Variants in CACNA2D3 observed in about 807,000 individuals in gnomAD.
The protein encoded by CACNA2D3 is calcium voltage-gated channel auxiliary subunit alpha2delta 3, also known as voltage-dependent calcium channel subunit alpha-2/delta-3.
CACNA2D3 carries 60 observed loss-of-function variants against 160.6 expected under a neutral mutation model. That is an observed-to-expected ratio of 0.37 (90% CI 0.30 to 0.46). The LOEUF (loss-of-function observed/expected upper bound fraction) is 0.46, where lower values mean the gene tolerates loss of function less well. Ranked by LOEUF, CACNA2D3 falls within the 20% of genes least tolerant of loss-of-function variation. The pLI, the probability that CACNA2D3 is intolerant of heterozygous loss-of-function variation, is 1.00. For missense variants in CACNA2D3, 1,205 were observed against 1,365.0 expected, an observed-to-expected ratio of 0.88 and a Z score of 1.85; for synonymous variants, 558 against 492.9, an observed-to-expected ratio of 1.13 and a Z score of -1.75.
chr3:54,823,214 G>A (rs1212418244), intron 14 of CACNA2D3, among the ~76,000 whole-genome samples: 1 of 151,966 alleles, frequency 6.6e-6, no homozygotes, highest in Non-Finnish European at 1.5e-5. Flanking sequence ...ACCTCATAGT[G>A]TGTGTCTACT....
chr3:54,300,771 T>G (rs142133499), intron 2 of CACNA2D3, among the ~76,000 whole-genome samples: 1,592 of 152,248 alleles, frequency 0.01, 33 homozygotes, highest in African/African-American at 0.036. Context: ...TCCAAGCACT[T>G]TGGAAGACTG....
At chr3:54,286,228 C>G (rs149289929) in intron 2 of CACNA2D3, among the ~76,000 whole-genome samples, 2,618 of 152,158 alleles carry the variant, frequency 0.017, 81 homozygotes, top group African/African-American at 0.059. Flanking sequence ...GCAGAGAAGT[C>G]CTTAAAGGAG....
At chr3:54,772,786 A>G (rs988745318) in intron 13 of CACNA2D3, among the ~76,000 whole-genome samples, 4 of 152,216 alleles carry the variant, frequency 2.6e-5, no homozygotes, top group East Asian at 1.9e-4. Context: ...ATCATTAACA[A>G]TGGAATTTGT....
At chr3:54,664,963 G>A (rs1700037094) in intron 11 of CACNA2D3, among the ~76,000 whole-genome samples, 1 of 152,198 alleles carries the variant, frequency 6.6e-6, no homozygotes, top group South Asian at 2.1e-4. Flanking sequence ...AGCTAGTAAA[G>A]GTTCATTTGA....
At chr3:54,616,743 T>C (rs1334555433) in intron 9 of CACNA2D3, among the ~76,000 whole-genome samples, 2 of 152,224 alleles carry the variant, frequency 1.3e-5, no homozygotes, top group South Asian at 2.1e-4. Context: ...ACCAAATGCT[T>C]GGATATAAGC....
intron 2 of CACNA2D3, among the ~76,000 whole-genome samples, chr3:54,219,588 A>G (rs1701527503): frequency 6.6e-6 from 1 of 152,038 alleles, no homozygotes; most frequent in South Asian, 2.1e-4. Context: ...GCTCATTTCT[A>G]CTTGGCATTA....
intron 21 of CACNA2D3, among the ~76,000 whole-genome samples, chr3:54,881,597 G>A (rs76919846): frequency 0.038 from 5,831 of 152,244 alleles, 295 homozygotes; most frequent in African/African-American, 0.11. Flanking sequence ...AGCTCACAGG[G>A]GTGGTGGACA....
At chr3:54,688,729 G>A (rs1286522148) in intron 11 of CACNA2D3, among the ~76,000 whole-genome samples, 3 of 150,532 alleles carry the variant, frequency 2.0e-5, no homozygotes, top group African/African-American at 7.3e-5. Flanking sequence ...AAGGCCGGGT[G>A]TGGTGGCTCA....
intron 2 of CACNA2D3, among the ~76,000 whole-genome samples, chr3:54,275,268 C>T (rs1043204853): frequency 6.6e-5 from 10 of 152,152 alleles, no homozygotes; most frequent in African/African-American, 2.4e-4. Context: ...CTGGATAAGT[C>T]GTCTCATGCC....
intron 2 of CACNA2D3, among the ~76,000 whole-genome samples, chr3:54,149,969 C>A (rs1036269036): frequency 7.7e-6 from 1 of 129,780 alleles, no homozygotes; most frequent in Non-Finnish European, 1.6e-5. Flanking sequence ...CTTCCTCCCC[C>A]CTTCCTTCTT....
At chr3:54,638,215 C>G (rs969936406) in intron 10 of CACNA2D3, 1 of 151,792 alleles carries the variant, frequency 6.6e-6, no homozygotes, top group African/African-American at 2.4e-5. Context: ...GCCTTTTGAC[C>G]TTTTAGGGGC....
At chr3:54,301,402 G>A (rs1703474769) in intron 2 of CACNA2D3, among the ~76,000 whole-genome samples, 1 of 151,864 alleles carries the variant, frequency 6.6e-6, no homozygotes, top group South Asian at 2.1e-4. Context: ...AGTTTGAGAT[G>A]GCAATGACCT....
chr3:54,516,516 G>T (rs562588930), intron 5 of CACNA2D3, among the ~76,000 whole-genome samples: 1 of 152,088 alleles, frequency 6.6e-6, no homozygotes, highest in Non-Finnish European at 1.5e-5. Context: ...GTCTCCATAG[G>T]CATAGAGATG....
chr3:54,632,027 A>C (rs1292323984), intron 10 of CACNA2D3: 1 of 152,218 alleles, frequency 6.6e-6, no homozygotes, highest in Non-Finnish European at 1.5e-5. Context: ...GTAGTTCATC[A>C]TCAGGCCCTT....
intron 12 of CACNA2D3, among the ~76,000 whole-genome samples, chr3:54,758,093 G>C (rs370863032): frequency 3.3e-5 from 5 of 152,304 alleles, no homozygotes; most frequent in African/African-American, 1.2e-4. Flanking sequence ...AAATGGCACT[G>C]CTTCAGCTTG....
intron 4 of CACNA2D3, among the ~76,000 whole-genome samples, chr3:54,464,237 G>C (rs1464544726): frequency 6.6e-6 from 1 of 152,200 alleles, no homozygotes; most frequent in Non-Finnish European, 1.5e-5. Flanking sequence ...GGACCCACTT[G>C]AGGAGGCAGT....
chr3:54,741,891 AT>A (rs57648639), intron 11 of CACNA2D3, among the ~76,000 whole-genome samples: 2,047 of 148,532 alleles, frequency 0.014, 47 homozygotes, highest in African/African-American at 0.047. Context: ...TAATTTATTT[AT>A]TTTTTTTTTG....
intron 11 of CACNA2D3, among the ~76,000 whole-genome samples, chr3:54,745,594 T>C (rs1701740085): frequency 6.6e-6 from 1 of 152,214 alleles, no homozygotes; most frequent in Non-Finnish European, 1.5e-5. Context: ...GATAGTCTAA[T>C]AAATTGCATC....
At chr3:54,486,148 T>C (rs1035633568) in intron 4 of CACNA2D3, among the ~76,000 whole-genome samples, 46 of 152,192 alleles carry the variant, frequency 3.0e-4, no homozygotes, top group African/African-American at 1.1e-3. Flanking sequence ...AGGAGACTAG[T>C]GCAAACACCT....
Sources: gnomAD v4.1 joint callset for allele counts (sites outside exome capture counted in the v4.1 genomes callset) on GRCh38, gnomAD v4.1.1 for gene constraint, MANE v1.5 for transcripts, NCBI Gene and HGNC (gene_info 2026-07-23, HGNC 2026-07-21) for gene names.